The following TCF12 variants were observed in gnomAD, a reference collection of about 807,000 sequenced individuals.
TCF12 encodes the protein transcription factor 12, also known as DNA-binding protein HTF4.
A neutral mutation model predicts 86.0 loss-of-function variants in TCF12; 45 were observed. The ratio of observed to expected loss-of-function variants is 0.52; its 90% CI spans 0.41 to 0.67. TCF12 has a LOEUF of 0.67. Ranked by LOEUF, TCF12 falls within the 30% of genes least tolerant of loss-of-function variation. The pLI is 0.00. For synonymous variants in TCF12, 330 were observed against 299.6 expected, an observed-to-expected ratio of 1.10 and a Z score of -1.05; for missense variants, 881 against 859.9, an observed-to-expected ratio of 1.02 and a Z score of -0.31.
At chr15:57,164,784 G>T (rs1013940709) in intron 5 of TCF12, among the ~76,000 whole-genome samples, 1 of 152,168 alleles carries the variant, frequency 6.6e-6, no homozygotes, top group African/African-American at 2.4e-5. Context: ...GGGTTCAAAT[G>T]ATTCTCTTGC....
In TCF12 at chr15:57,287,898, GT is replaced by G. The variant is rs1370800707; in HGVS notation, c.*1755del. On this transcript the variant is annotated 3_prime_UTR_variant, in exon 21 of 21. Coordinates refer to ENST00000333725, the MANE Select transcript of TCF12 (RefSeq NM_207037.2). ...AGTGTTAATCAGCTAAACAGAAGTT[GT>G]TGCTTATGATGTGTGAGTGAACATA... is the stretch of plus-strand genomic sequence containing the variant. 1 of 152,610 alleles carries G rather than the reference GT, an allele frequency of 6.6e-6. No homozygotes were observed. Among genetic ancestry groups the G allele is most frequent in the Non-Finnish European group, 1.5e-5 (1 of 68,026 alleles). 9.5% of individuals were successfully genotyped at this position (152,610 alleles called of 1,614,324 possible).
intron 6 of TCF12, among the ~76,000 whole-genome samples, chr15:57,167,957 G>A (rs114942817): frequency 0.012 from 1,776 of 152,192 alleles, 32 homozygotes; most frequent in African/African-American, 0.04. Context: ...GACAAGAGCC[G>A]AATCTGTTAA....
rs2062043654 is a variant in TCF12 at position 57,289,742 on chromosome 15, G to A, written c.*3597G>A. ...TATCTGAAAAATGGAGATAACATTA[G>A]AATTGTGTAAGTATTGAATGAAACA... On this transcript the variant is annotated 3_prime_UTR_variant, in exon 21 of 21. Transcript: ENST00000333725. 6.6e-6 allele frequency: 1 copy of A among 152,068 alleles called. No homozygotes were observed. Among genetic ancestry groups the A allele is most frequent in the South Asian group, 2.1e-4 (1 of 4,818 alleles). The allele number at this position is 152,068 out of a possible 1,614,324, so 9.4% of individuals were successfully genotyped here. A position where few individuals can be genotyped will look rare whatever the true frequency, so the allele number is the denominator to read the frequency against.
At chr15:57,034,158 C>T (rs891476473) in intron 3 of TCF12, among the ~76,000 whole-genome samples, 1 of 152,146 alleles carries the variant, frequency 6.6e-6, no homozygotes, top group African/African-American at 2.4e-5. Flanking sequence ...GCTTGGATAA[C>T]CTAATTGATG....
intron 3 of TCF12, among the ~76,000 whole-genome samples, chr15:56,937,806 A>G (rs904303668): frequency 2.3e-4 from 35 of 152,142 alleles, no homozygotes; most frequent in African/African-American, 8.0e-4. Context: ...ATCTATCAAG[A>G]TGATAGATGA....
chr15:57,234,047 C>A lies in TCF12; in HGVS notation c.975C>A (p.Thr325=), dbSNP rs138859706. Residue 325 remains threonine, a synonymous_variant, in exon 12 of 21, where the codon ACC becomes ACA. Transcript: ENST00000333725. The part of the protein sequence containing the change: ...PINGSDSILG[T]RGNAAGSSQT... ...ATTTCTCTATGAAATATCCAGGAAC[C>A]AGAGGGAATGCTGCTGGAAGCTCAC... 2 of 1,613,096 alleles carry A rather than the reference C, an allele frequency of 1.2e-6. No homozygotes were observed. The highest frequency in any genetic ancestry group is 2.7e-5 in the African/African-American group (2 of 74,984).
At chr15:56,946,798 C>CTTTTTT (rs71113039) in intron 3 of TCF12, among the ~76,000 whole-genome samples, 3 of 113,542 alleles carry the variant, frequency 2.6e-5, no homozygotes, top group Non-Finnish European at 3.6e-5. Flanking sequence ...TCTAAAGTAC[C>CTTTTTT]TTTTTTTTTT....
chr15:56,956,900 G>T (rs1234306695), intron 3 of TCF12, among the ~76,000 whole-genome samples: 2 of 151,914 alleles, frequency 1.3e-5, no homozygotes, highest in African/African-American at 4.8e-5. Flanking sequence ...TTCTGGAACT[G>T]TGAATGCTAT....
intron 6 of TCF12, 146 bp downstream of exon 6, chr15:57,166,612 C>T: frequency 1.6e-6 from 1 of 629,210 alleles, no homozygotes; most frequent in Non-Finnish European, 2.4e-6. Flanking sequence ...GCTCTCTTTG[C>T]TTAAAATTGT....
At chr15:56,928,902 T>C (rs1418520744) in intron 3 of TCF12, among the ~76,000 whole-genome samples, 1 of 152,152 alleles carries the variant, frequency 6.6e-6, no homozygotes, top group Non-Finnish European at 1.5e-5. Context: ...TAAGAGTCTC[T>C]AGGGTAGAAC....
At chr15:57,010,073 A>T (rs2064728251) in intron 3 of TCF12, among the ~76,000 whole-genome samples, 1 of 151,758 alleles carries the variant, frequency 6.6e-6, no homozygotes, top group African/African-American at 2.4e-5. Context: ...GCAAGTTCTG[A>T]CTCTTTACTC....
intron 5 of TCF12, among the ~76,000 whole-genome samples, chr15:57,107,209 G>A (rs1343010930): frequency 6.6e-6 from 1 of 152,146 alleles, no homozygotes; most frequent in Non-Finnish European, 1.5e-5. Flanking sequence ...TACATTCAGA[G>A]AGTGAAATAT....
chr15:57,269,717 C>T (rs902876819), intron 18 of TCF12, among the ~76,000 whole-genome samples: 2 of 152,014 alleles, frequency 1.3e-5, no homozygotes, highest in Non-Finnish European at 2.9e-5. Context: ...CCATGTTTAG[C>T]GCTTCCTTCA....
chr15:57,022,988 A>G (rs578105398), intron 3 of TCF12, among the ~76,000 whole-genome samples: 1 of 152,286 alleles, frequency 6.6e-6, no homozygotes, highest in East Asian at 1.9e-4. Flanking sequence ...ACACAGCTCC[A>G]GGTGGTTTTC....
At chr15:57,035,411 G>A (rs2066443905) in intron 3 of TCF12, among the ~76,000 whole-genome samples, 1 of 152,134 alleles carries the variant, frequency 6.6e-6, no homozygotes, top group Non-Finnish European at 1.5e-5. Flanking sequence ...CTACAGGTAT[G>A]CACCACCATG....
At chr15:57,170,642 A>T (rs1438846476) in intron 6 of TCF12, among the ~76,000 whole-genome samples, 2 of 31,320 alleles carry the variant, frequency 6.4e-5, no homozygotes, top group African/African-American at 4.3e-4. Context: ...ATATATATAT[A>T]ATATATATAT....
intron 8 of TCF12, among the ~76,000 whole-genome samples, chr15:57,223,671 T>A (rs980090858): frequency 1.1e-4 from 14 of 122,444 alleles, no homozygotes; most frequent in African/African-American, 4.5e-4. Context: ...TTTTTTTTTT[T>A]AGAAATAGAG....
At chr15:57,248,559 A>G (rs1007514997) in intron 13 of TCF12, among the ~76,000 whole-genome samples, 1 of 152,100 alleles carries the variant, frequency 6.6e-6, no homozygotes, top group Non-Finnish European at 1.5e-5. Flanking sequence ...CAGAGCTTTC[A>G]CAGAAAAAAA....
At chr15:57,049,070 G>A (rs924975687) in intron 3 of TCF12, among the ~76,000 whole-genome samples, 63 of 152,206 alleles carry the variant, frequency 4.1e-4, no homozygotes, top group African/African-American at 1.5e-3. Flanking sequence ...TCTGGGGGCT[G>A]CCTATATCCA....
Sources: allele counts gnomAD v4.1 joint callset (sites outside exome capture counted in the v4.1 genomes callset), GRCh38; gene constraint gnomAD v4.1.1; transcripts MANE v1.5; gene names NCBI Gene and HGNC (gene_info 2026-07-23, HGNC 2026-07-21).